Variants in ACSL1 observed in about 807,000 individuals in gnomAD.
ACSL1 encodes acyl-CoA synthetase long chain family member 1.
In ACSL1, 41 loss-of-function variants were observed where a neutral mutation model predicts 98.4. The observed-to-expected ratio is 0.42, with a 90% CI of 0.32 to 0.54. The LOEUF (loss-of-function observed/expected upper bound fraction) is 0.54. Ranked by LOEUF, ACSL1 falls within the 20% of genes least tolerant of loss-of-function variation. The probability of loss-of-function intolerance (pLI) is 0.13; values close to 1 mark genes in which losing one functional copy is unlikely to be tolerated. For synonymous variants in ACSL1, 316 were observed against 322.7 expected, an observed-to-expected ratio of 0.98 and a Z score of 0.22; for missense variants, 734 against 883.1, an observed-to-expected ratio of 0.83 and a Z score of 2.14.
At position 184,766,897 on chromosome 4, in the gene ACSL1, C is replaced by G; in HGVS notation, c.1129-141G>C. ...TCTGACAGCCTGGCCGGTCCTCTAA[C>G]GGCCCCACATGGTCAGCACAGGACA... On this transcript the variant is annotated intron_variant, in intron 12 of 20. Coordinates refer to ENST00000281455, the MANE Select transcript of ACSL1 (RefSeq NM_001995.5). The surrounding 1 kb of genome is among the most constrained non-coding windows in gnomAD (Gnocchi z 4.8). 1 of 944,530 alleles carries G rather than the reference C, an allele frequency of 1.1e-6. No individual in the cohort carries two copies. The allele number at this position is 944,530 out of a possible 1,614,324, so 58.5% of individuals were successfully genotyped here.
At chr4:184,775,636 C>T (rs949692772) in intron 7 of ACSL1, among the ~76,000 whole-genome samples, 8 of 152,126 alleles carry the variant, frequency 5.3e-5, no homozygotes, top group Admixed American at 1.3e-4. Context: ...AGAACACCCG[C>T]GCTTCCCTGT....
At chr4:184,812,922 C>T (rs1361171785) in intron 1 of ACSL1, among the ~76,000 whole-genome samples, 1 of 152,110 alleles carries the variant, frequency 6.6e-6, no homozygotes, top group Non-Finnish European at 1.5e-5. Context: ...CAGAGTCCCA[C>T]GCGAGGGCTC....
intron 1 of ACSL1, among the ~76,000 whole-genome samples, chr4:184,807,150 A>ACTT: frequency 6.6e-6 from 1 of 152,254 alleles, no homozygotes; most frequent in Non-Finnish European, 1.5e-5. Context: ...GGTCTCTAAG[A>ACTT]AGGACTAAGA....
At chr4:184,758,696 CAAAGAA>C in intron 18 of ACSL1, 1 of 151,886 alleles carries the variant, frequency 6.6e-6, no homozygotes, top group African/African-American at 2.4e-5. Flanking sequence ...GCTGCAATCT[CAAAGAA>C]AAATAAGTGC....
chr4:184,811,202 G>A (rs1019222016), intron 1 of ACSL1, among the ~76,000 whole-genome samples: 26 of 151,700 alleles, frequency 1.7e-4, no homozygotes, highest in Admixed American at 1.7e-3. Flanking sequence ...TCCGCCTTCT[G>A]GGTTCACGCC....
intron 18 of ACSL1, 127 bp downstream of exon 18, chr4:184,760,230 T>G: frequency 9.3e-7 from 1 of 1,076,454 alleles, no homozygotes; most frequent in Non-Finnish European, 1.3e-6. Flanking sequence ...GTCAATGATA[T>G]TCTAGCAGAT....
In ACSL1 at chr4:184,776,967, TG is replaced by T; in HGVS notation, c.493del (p.Gln165LysfsTer9). On this transcript the variant is annotated frameshift_variant, in exon 6 of 21. Transcript: ENST00000281455. LOFTEE classifies it high-confidence loss of function. The part of the protein sequence containing the change: ...QNRPEWVIIE[Q>X]GCFAYSMVIV... ...CACCATCGAATAAGCAAAGCATCCT[TG>T]TTCAATAATCACCCACTAAACAAAC... is the stretch of plus-strand genomic sequence containing the variant. The T allele has an allele frequency of 6.2e-7, 1 of 1,614,140 alleles. No individual in the cohort carries two copies. The highest frequency in any genetic ancestry group is 8.5e-7 in the Non-Finnish European group (1 of 1,180,000).
In ACSL1 at chr4:184,825,416, C is replaced by CAA. The variant is rs1305562421; in HGVS notation, c.-33+499_-33+500insTT. 2.6e-5 allele frequency among the ~76,000 whole-genome samples: 4 copies of CAA among 152,218 alleles called. No individual in the cohort carries two copies. Among genetic ancestry groups the CAA allele is most frequent in the East Asian group, 1.9e-4 (1 of 5,158 alleles). On this transcript the variant is annotated intron_variant, in intron 1 of 20. Transcript: ENST00000281455. The surrounding 1 kb of genome is among the most constrained non-coding windows in gnomAD (Gnocchi z 4.7). ...TGCCTGTGGGCCTCGTGCCGCCGCG[C>CAA]TGCGTGGGGCCGGCATCTCAGCGGG...
At chr4:184,805,391 T>A (rs774966876) in intron 1 of ACSL1, 8 of 710,284 alleles carry the variant, frequency 1.1e-5, no homozygotes, top group Non-Finnish European at 1.4e-5. Context: ...GTAAGTGTAC[T>A]CACTCACACA....
intron 1 of ACSL1, among the ~76,000 whole-genome samples, chr4:184,819,185 C>T (rs1409044539): frequency 6.6e-6 from 1 of 150,894 alleles, no homozygotes; most frequent in Non-Finnish European, 1.5e-5. Flanking sequence ...CTCTATACCC[C>T]AGGCTGGAGT....
In ACSL1 at chr4:184,757,305, CG is replaced by C. The variant is rs749577008; in HGVS notation, c.1957-41del. ...GGCAGTTAAAAGAGGAAAAAGGACACGGGCCACCAGTCTCAAAAGCACGTAA... is the reference window on the plus strand; with the variant it reads ...GGCAGTTAAAAGAGGAAAAAGGACACGGCCACCAGTCTCAAAAGCACGTAA... On this transcript the variant is annotated intron_variant, in intron 20 of 20. Coordinates refer to ENST00000281455, the MANE Select transcript of ACSL1 (RefSeq NM_001995.5). This position sits in a 1 kb window ranked among gnomAD's most constrained non-coding sequence, Gnocchi z 4.5. The C allele has an allele frequency of 6.4e-7, 1 of 1,567,590 alleles. No homozygotes were observed. The highest frequency in any genetic ancestry group is 8.7e-7 in the Non-Finnish European group (1 of 1,149,456).
chr4:184,814,837 G>A lies in ACSL1; in HGVS notation c.-33+11079C>T, dbSNP rs891829949. ...TGCCCCGTCTGCCCACGCTGGACCC[G>A]GCTCAGCCACTGACCTGCTATGTGA... On this transcript the variant is annotated intron_variant, in intron 1 of 20. Coordinates refer to ENST00000281455, the MANE Select transcript of ACSL1 (RefSeq NM_001995.5). 1.3e-4 allele frequency among the ~76,000 whole-genome samples: 20 copies of A among 152,260 alleles called. No homozygotes were observed. In the East Asian group the frequency reaches 3.7e-3, roughly 28 times the overall value.
intron 2 of ACSL1, among the ~76,000 whole-genome samples, chr4:184,794,698 G>A (rs72695650): frequency 0.1 from 15,372 of 152,174 alleles, 953 homozygotes; most frequent in Non-Finnish European, 0.14. Context: ...AGACATCCAG[G>A]TACGTCAAGG....
intron 18 of ACSL1, among the ~76,000 whole-genome samples, chr4:184,759,412 G>A (rs13137387): frequency 0.27 from 41,178 of 152,032 alleles, 6,414 homozygotes; most frequent in Middle Eastern, 0.36. Flanking sequence ...CCTACAGAAC[G>A]GGAGAAAATT....
intron 1 of ACSL1, chr4:184,813,644 C>T (rs111738099): frequency 0.022 from 6,856 of 306,776 alleles, 143 homozygotes; most frequent in Non-Finnish European, 0.034. Context: ...CCTGTTATTA[C>T]GAAAGCTAAA....
Position 184,812,064 on chromosome 4 carries a change from C to A in ACSL1, c.-32-8518G>T, listed in dbSNP as rs549452773. On this transcript the variant is annotated intron_variant, in intron 1 of 20. Coordinates refer to ENST00000281455, the MANE Select transcript of ACSL1 (RefSeq NM_001995.5). The stretch of plus-strand genomic sequence containing the variant: ...AACTACCCAGAAATCCTACACAATC[C>A]CCTCTATGAGAAGCAATCAGTCCTT... 2.4e-4 allele frequency: 130 copies of A among 549,720 alleles called. No homozygotes were observed. In the African/African-American group the frequency reaches 2.5e-3, roughly 11 times the overall value. The allele number at this position is 549,720 out of a possible 1,614,324, so 34.1% of individuals were successfully genotyped here. A position where few individuals can be genotyped will look rare whatever the true frequency, so the allele number is the denominator to read the frequency against.
intron 1 of ACSL1, among the ~76,000 whole-genome samples, chr4:184,819,277 G>A (rs536315516): frequency 6.6e-6 from 1 of 151,816 alleles, no homozygotes; most frequent in African/African-American, 2.4e-5. Context: ...TGAGTAGCTG[G>A]GATTACAGGC....
chr4:184,780,393 T>C lies in ACSL1; in HGVS notation c.416A>G (p.Gln139Arg). The C allele has an allele frequency of 1.2e-6, 2 of 1,613,784 alleles. No homozygotes were observed. Among genetic ancestry groups the C allele is most frequent in the Non-Finnish European group, 1.7e-6 (2 of 1,179,934 alleles). Residue 139 changes from glutamine (Q) to arginine (R), a missense_variant, in exon 5 of 21, where the codon CAG (glutamine) becomes CGG (arginine). Physicochemically the swap from Gln to Arg is conservative, Grantham distance 43. Transcript: ENST00000281455. ...LSECIGSALIQKGFKTAPDQF... is the reference protein window; with the variant it reads ...LSECIGSALIRKGFKTAPDQF... ...ATCTGGGGCAGTCTTGAAGCCCTTC[T>C]GGATCAGTGCTGAGCCTATGCACTC...
chr4:184,810,447 C>T (rs1208529661), intron 1 of ACSL1, among the ~76,000 whole-genome samples: 1 of 152,104 alleles, frequency 6.6e-6, no homozygotes, highest in East Asian at 1.9e-4. Flanking sequence ...TTATATTGGG[C>T]TTGGAATTAA....
Sources: gnomAD v4.1 joint callset for allele counts (sites outside exome capture counted in the v4.1 genomes callset) on GRCh38, gnomAD v4.1.1 for gene constraint, Gnocchi (gnomAD v3.1) non-coding constraint, MANE v1.5 for transcripts, NCBI Gene and HGNC (gene_info 2026-07-23, HGNC 2026-07-21) for gene names.